The following LCORL variants were observed in gnomAD, a reference collection of about 807,000 sequenced individuals.
LCORL encodes the protein ligand dependent nuclear receptor corepressor like.
In LCORL, 41 loss-of-function variants were observed where a neutral mutation model predicts 141.8. That is an observed-to-expected ratio of 0.29 (90% CI 0.23 to 0.38). LCORL has a LOEUF of 0.38. LCORL is among the 10% of genes least tolerant of loss of function. LCORL has a pLI of 1.00. For missense variants in LCORL, 1,759 were observed against 2,035.0 expected (o/e 0.86, Z 2.61); for synonymous variants, 618 against 694.1 (o/e 0.89, Z 1.72).
rs1732158117 is a variant in LCORL at position 17,909,460 on chromosome 4, T to C, written c.431-115A>G. 4.8e-6 allele frequency: 3 copies of C among 624,430 alleles called. No homozygotes were observed. In the East Asian group the frequency reaches 8.9e-5, roughly 19 times the overall value. 38.7% of individuals were successfully genotyped at this position (624,430 alleles called of 1,614,324 possible). On this transcript the variant is annotated intron_variant, in intron 4 of 7. Coordinates refer to ENST00000635767, the Ensembl canonical transcript of LCORL. ...TCAGAAGTCTTTTAGCATCAGTCCA[T>C]AACTCCCAATGTTTTCTGGGAATTA...
chr4:18,019,692 A>G (rs1171900578), intron 1 of LCORL, among the ~76,000 whole-genome samples: 4 of 151,994 alleles, frequency 2.6e-5, no homozygotes, highest in African/African-American at 9.7e-5. Flanking sequence ...GACCAGAAAA[A>G]AAAACCAACC....
chr4:17,872,868 C>G (rs1003410368), intron 7 of LCORL, among the ~76,000 whole-genome samples: 3 of 152,088 alleles, frequency 2.0e-5, no homozygotes, highest in African/African-American at 7.2e-5. Flanking sequence ...AATGACATAA[C>G]AACTTGGTGG....
intron 4 of LCORL, among the ~76,000 whole-genome samples, chr4:17,956,765 A>G (rs868229185): frequency 2.0e-5 from 3 of 152,176 alleles, no homozygotes; most frequent in Middle Eastern, 3.4e-3. Flanking sequence ...AATATATTGT[A>G]TTTTTCAAAA....
At chr4:17,849,679 C>T (rs1291190930) in intron 7 of LCORL, among the ~76,000 whole-genome samples, 5 of 152,252 alleles carry the variant, frequency 3.3e-5, no homozygotes, top group African/African-American at 1.2e-4. Context: ...ACGGAAGAAT[C>T]AATATCATGA....
intron 4 of LCORL, among the ~76,000 whole-genome samples, chr4:17,953,599 T>C (rs533523333): frequency 6.6e-6 from 1 of 152,216 alleles, no homozygotes; most frequent in African/African-American, 2.4e-5. Context: ...ATGATGTTTA[T>C]CTAAAGGTCT....
intron 1 of LCORL, among the ~76,000 whole-genome samples, chr4:17,993,536 T>TG (rs1477322465): frequency 1.3e-5 from 2 of 151,012 alleles, no homozygotes; most frequent in Non-Finnish European, 3.0e-5. Flanking sequence ...GTCTACAAAT[T>TG]GAAAAAAAAA....
intron 4 of LCORL, among the ~76,000 whole-genome samples, chr4:17,921,786 G>C (rs1734338400): frequency 6.6e-6 from 1 of 152,106 alleles, no homozygotes; most frequent in South Asian, 2.1e-4. Flanking sequence ...CCTCAGTCTG[G>C]GTGGGCACCA....
intron 4 of LCORL, among the ~76,000 whole-genome samples, chr4:17,924,951 G>T (rs911401466): frequency 2.6e-5 from 4 of 152,118 alleles, no homozygotes; most frequent in African/African-American, 9.7e-5. Context: ...AGGATTCACG[G>T]GTCCAGGAGT....
Position 17,884,163 on chromosome 4 carries a change from T to C in LCORL, c.776+1905A>G. 6.4e-7 allele frequency: 1 copy of C among 1,550,476 alleles called. No individual in the cohort carries two copies. The highest frequency in any genetic ancestry group is 8.7e-7 in the Non-Finnish European group (1 of 1,146,282). ...ATTTTGTTCTGTTTAGGGAGTATAT[T>C]TTTCAGTTTTTGGAGAGCTGATCCT... On this transcript the variant is annotated intron_variant, in intron 6 of 7. Coordinates refer to ENST00000635767, the Ensembl canonical transcript of LCORL. The surrounding 1 kb of genome is among the most constrained non-coding windows in gnomAD (Gnocchi z 4.4).
chr4:17,965,575 A>G (rs925109395), intron 2 of LCORL, among the ~76,000 whole-genome samples: 18 of 152,182 alleles, frequency 1.2e-4, no homozygotes, highest in African/African-American at 4.3e-4. Context: ...TGAATGACAA[A>G]CATCAACCTT....
chr4:17,978,183 T>C (rs1717339124), intron 1 of LCORL, among the ~76,000 whole-genome samples: 1 of 152,212 alleles, frequency 6.6e-6, no homozygotes, highest in African/African-American at 2.4e-5. Flanking sequence ...GCATATCTAA[T>C]ACTTTTGCTT....
chr4:17,931,296 G>T (rs1405132286), intron 4 of LCORL, among the ~76,000 whole-genome samples: 1 of 151,600 alleles, frequency 6.6e-6, no homozygotes, highest in Non-Finnish European at 1.5e-5. Flanking sequence ...TTACTTTTTA[G>T]TCCTATTGTT....
intron 7 of LCORL, among the ~76,000 whole-genome samples, chr4:17,871,743 T>G (rs906202776): frequency 6.6e-6 from 1 of 151,944 alleles, no homozygotes; most frequent in Non-Finnish European, 1.5e-5. Flanking sequence ...ACTATCAGGT[T>G]TTTTTGCCTC....
At chr4:17,896,753 A>T (rs763263192) in intron 5 of LCORL, among the ~76,000 whole-genome samples, 3 of 152,190 alleles carry the variant, frequency 2.0e-5, no homozygotes, top group Non-Finnish European at 4.4e-5. Flanking sequence ...CAGTTATTTT[A>T]AAATGTACAA....
chr4:17,844,019 G>C (rs754769949), exon 8 of LCORL: 1 of 151,970 alleles, frequency 6.6e-6, no homozygotes, highest in Admixed American at 6.6e-5. Flanking sequence ...TCTTCCTAAA[G>C]TATTTGTATA....
intron 5 of LCORL, chr4:17,893,407 A>C (rs2109260065): frequency 1.0e-6 from 1 of 978,848 alleles, no homozygotes; most frequent in Non-Finnish European, 1.2e-6. Context: ...TCTGCAGAAA[A>C]ATACTTAGTA....
chr4:17,875,298 T>C, exon 7 of LCORL: 1 of 1,231,432 alleles, frequency 8.1e-7, no homozygotes. Context: ...AATAATGTTC[T>C]TGGAAGGCTG....
At position 17,934,025 on chromosome 4, in the gene LCORL, T is replaced by C. The variant is rs199857277; in HGVS notation, c.431-24680A>G. On this transcript the variant is annotated intron_variant, in intron 4 of 7. Coordinates refer to ENST00000635767, the Ensembl canonical transcript of LCORL. ...TTGCCAAGACTGCTACCTCTGGTCC[T>C]ATGATTTTAAGACTCTTCCTTTTTA... 7.9e-5 allele frequency among the ~76,000 whole-genome samples: 12 copies of C among 152,080 alleles called. No homozygotes were observed. In the East Asian group the frequency reaches 2.3e-3, roughly 29 times the overall value.
At chr4:18,000,866 G>A (rs1180991722) in intron 1 of LCORL, among the ~76,000 whole-genome samples, 2 of 152,148 alleles carry the variant, frequency 1.3e-5, no homozygotes, top group South Asian at 2.1e-4. Flanking sequence ...GTTCACTGAG[G>A]TGTAAGATCA....
Sources: gnomAD v4.1 joint callset for allele counts (sites outside exome capture counted in the v4.1 genomes callset) on GRCh38, gnomAD v4.1.1 for gene constraint, Gnocchi (gnomAD v3.1) non-coding constraint, MANE v1.5 for transcripts, NCBI Gene and HGNC (gene_info 2026-07-23, HGNC 2026-07-21) for gene names.